The following ITCH variants were observed in gnomAD, a reference collection of about 807,000 sequenced individuals.
ITCH encodes E3 ubiquitin-protein ligase Itchy homolog.
In ITCH, 28 loss-of-function variants were observed where a neutral mutation model predicts 126.8. The ratio of observed to expected loss-of-function variants is 0.22; its 90% CI spans 0.16 to 0.30. The LOEUF is 0.30. Among genes scored for constraint, ITCH ranks in the 10% least tolerant of loss-of-function variants. The pLI is 1.00. For missense variants in ITCH, 631 were observed against 1,032.4 expected (o/e 0.61, Z 5.33); for synonymous variants, 342 against 340.0 (o/e 1.01, Z -0.06).
At chr20:34,481,314 A>G (rs1276816719) in intron 20 of ITCH, 108 bp downstream of exon 20, 2 of 1,201,468 alleles carry the variant, frequency 1.7e-6, no homozygotes, top group Non-Finnish European at 2.4e-6. Context: ...TTGTCTCTGT[A>G]CTAATCAATA....
chr20:34,375,972 A>G (rs1277939862), intron 2 of ITCH, among the ~76,000 whole-genome samples: 3 of 152,094 alleles, frequency 2.0e-5, no homozygotes, highest in Admixed American at 6.6e-5. Context: ...AGTGCAGACC[A>G]TGTGCAGACT....
intron 14 of ITCH, among the ~76,000 whole-genome samples, chr20:34,469,805 A>G (rs576008494): frequency 6.6e-5 from 10 of 152,352 alleles, no homozygotes; most frequent in African/African-American, 1.2e-4. Flanking sequence ...TTGGCAGCAT[A>G]GAAAAGAAAA....
At chr20:34,405,481 G>A (rs1236812585) in intron 3 of ITCH, among the ~76,000 whole-genome samples, 6 of 151,996 alleles carry the variant, frequency 3.9e-5, no homozygotes, top group Non-Finnish European at 7.4e-5. Flanking sequence ...CTCTAGCCTG[G>A]GCAACAAGAG....
chr20:34,431,933 A>G (rs573866832), intron 7 of ITCH, among the ~76,000 whole-genome samples: 1 of 151,828 alleles, frequency 6.6e-6, no homozygotes, highest in South Asian at 2.1e-4. Flanking sequence ...AATTCCAGCT[A>G]CTCAGGAGGC....
chr20:34,464,867 C>T (rs920173935), intron 14 of ITCH, among the ~76,000 whole-genome samples: 9 of 151,974 alleles, frequency 5.9e-5, no homozygotes, highest in African/African-American at 2.2e-4. Flanking sequence ...CGCACCAACA[C>T]GCCTGGCTAA....
At chr20:34,492,632 A>G (rs1171807530) in intron 23 of ITCH, 35 bp downstream of exon 23, 1 of 1,308,786 alleles carries the variant, frequency 7.6e-7, no homozygotes, top group African/African-American at 1.5e-5. Flanking sequence ...TATACAGAAA[A>G]TTGTTTATCA....
At chr20:34,395,085 T>C (rs1442601522) in intron 3 of ITCH, among the ~76,000 whole-genome samples, 3 of 151,878 alleles carry the variant, frequency 2.0e-5, no homozygotes, top group Admixed American at 6.6e-5. Flanking sequence ...TAAAAAAAAT[T>C]AGCTGTGCGT....
intron 24 of ITCH, among the ~76,000 whole-genome samples, chr20:34,505,920 A>G (rs776121144): frequency 6.6e-6 from 1 of 152,176 alleles, no homozygotes; most frequent in Non-Finnish European, 1.5e-5. Flanking sequence ...TCCATGGTCT[A>G]GCATATACAG....
chr20:34,502,355 C>G (rs1273141630), intron 23 of ITCH, among the ~76,000 whole-genome samples: 1 of 151,262 alleles, frequency 6.6e-6, no homozygotes, highest in African/African-American at 2.4e-5. Context: ...TGAACAGCCA[C>G]TGCACTTAAG....
At position 34,401,680 on chromosome 20, in the gene ITCH, C is replaced by G. The variant is rs941039357; in HGVS notation, c.71-6971C>G. 6.2e-6 allele frequency: 6 copies of G among 961,228 alleles called. No homozygotes were observed. The African/African-American group carries it at 8.9e-5, about 14-fold the overall frequency. 59.5% of individuals were successfully genotyped at this position (961,228 alleles called of 1,614,324 possible). A position where few individuals can be genotyped will look rare whatever the true frequency, so the allele number is the denominator to read the frequency against. On this transcript the variant is annotated intron_variant, in intron 3 of 24. Coordinates refer to ENST00000374864, the MANE Select transcript of ITCH (RefSeq NM_031483.7). ...TAGACTGTGGAATCAATCGGTCCTC[C>G]TCACCTTAAGGGCCATCCACTGGTT...
chr20:34,363,501 G>C (rs1181943647), intron 1 of ITCH, among the ~76,000 whole-genome samples, 152 bp downstream of exon 1: 1 of 152,148 alleles, frequency 6.6e-6, no homozygotes, highest in Non-Finnish European at 1.5e-5. Flanking sequence ...GGTGTCTGTC[G>C]GGGGCGCGGG....
chr20:34,479,605 A>C, intron 17 of ITCH, 25 bp from the exon 18 acceptor site: 1 of 1,608,210 alleles, frequency 6.2e-7, no homozygotes, highest in Non-Finnish European at 8.5e-7. Context: ...AAGATTTTTC[A>C]TCGTAAATTT....
At chr20:34,439,786 C>T (rs1385542920) in intron 8 of ITCH, among the ~76,000 whole-genome samples, 1 of 152,062 alleles carries the variant, frequency 6.6e-6, no homozygotes, top group South Asian at 2.1e-4. Context: ...GTAATCTGCA[C>T]GGTTTCACAG....
chr20:34,393,296 C>G (rs186684727), intron 2 of ITCH, among the ~76,000 whole-genome samples: 1 of 152,142 alleles, frequency 6.6e-6, no homozygotes, highest in African/African-American at 2.4e-5. Context: ...ATCACTTGAG[C>G]CCAGGAGTTT....
intron 3 of ITCH, among the ~76,000 whole-genome samples, chr20:34,407,957 A>G (rs1210166890): frequency 2.6e-5 from 4 of 152,214 alleles, no homozygotes; most frequent in African/African-American, 4.8e-5. Context: ...ATGTTTGTCA[A>G]TGCATACATT....
chr20:34,467,990 T>C (rs2146404300), intron 14 of ITCH, among the ~76,000 whole-genome samples: 1 of 151,122 alleles, frequency 6.6e-6, no homozygotes, highest in Non-Finnish European at 1.5e-5. Flanking sequence ...GCTTGTGACA[T>C]AATACAATGC....
intron 2 of ITCH, among the ~76,000 whole-genome samples, chr20:34,379,337 A>G (rs2037964014): frequency 2.0e-5 from 3 of 152,210 alleles, no homozygotes. Context: ...AATACACATT[A>G]CATACAGTTT....
chr20:34,454,918 C>T (rs1251894716), intron 12 of ITCH, among the ~76,000 whole-genome samples: 1 of 149,242 alleles, frequency 6.7e-6, no homozygotes, highest in Non-Finnish European at 1.5e-5. Flanking sequence ...CAACCTCTGC[C>T]TCCCGGGTTC....
chr20:34,424,354 G>A (rs1409164605), intron 6 of ITCH, 126 bp from the exon 7 acceptor site: 1 of 768,412 alleles, frequency 1.3e-6, no homozygotes, highest in African/African-American at 1.8e-5. Flanking sequence ...TGGAATTTAA[G>A]TTATAGTATG....
Sources: gnomAD v4.1 joint callset for allele counts (sites outside exome capture counted in the v4.1 genomes callset) on GRCh38, gnomAD v4.1.1 for gene constraint, MANE v1.5 for transcripts, NCBI Gene and HGNC (gene_info 2026-07-23, HGNC 2026-07-21) for gene names.